ADAM23: variants seen among roughly 807,000 people sequenced by gnomAD.
ADAM23 encodes the protein ADAM metallopeptidase domain 23.
Under a neutral mutation model 120.1 loss-of-function variants are expected in ADAM23, and 33 were observed. The ratio of observed to expected loss-of-function variants is 0.27; its 90% CI spans 0.21 to 0.37. ADAM23 has a LOEUF of 0.37. Ranked by LOEUF, ADAM23 falls within the 10% of genes least tolerant of loss-of-function variation. The probability of loss-of-function intolerance (pLI) is 1.00; values close to 1 mark genes in which losing one functional copy is unlikely to be tolerated. For synonymous variants in ADAM23, 367 were observed against 375.2 expected (o/e 0.98, Z 0.25); for missense variants, 862 against 1,058.2 (o/e 0.81, Z 2.57).
intron 5 of ADAM23, among the ~76,000 whole-genome samples, chr2:206,543,023 T>G (rs1161317224): frequency 6.6e-6 from 1 of 152,238 alleles, no homozygotes; most frequent in African/African-American, 2.4e-5. Context: ...ATAATTTGCA[T>G]GCATTTGATG....
At chr2:206,590,340 C>G (rs184997341) in intron 21 of ADAM23, among the ~76,000 whole-genome samples, 1 of 152,264 alleles carries the variant, frequency 6.6e-6, no homozygotes, top group South Asian at 2.1e-4. Flanking sequence ...TCAAGTGATC[C>G]GCCCTCCTCA....
intron 3 of ADAM23, among the ~76,000 whole-genome samples, chr2:206,484,477 T>C (rs1036204589): frequency 2.6e-5 from 4 of 152,168 alleles, no homozygotes; most frequent in African/African-American, 9.7e-5. Flanking sequence ...CACTGCAGAG[T>C]GTGAATGAAG....
chr2:206,571,678 G>T, intron 16 of ADAM23, 49 bp from the exon 17 acceptor site: 1 of 1,377,814 alleles, frequency 7.3e-7, no homozygotes, highest in Non-Finnish European at 1.0e-6. Flanking sequence ...GAATATGAAT[G>T]ACCAGCAGGT....
chr2:206,520,018 A>G (rs1696811717), intron 3 of ADAM23, among the ~76,000 whole-genome samples: 1 of 152,176 alleles, frequency 6.6e-6, no homozygotes, highest in African/African-American at 2.4e-5. Flanking sequence ...CTGCCTCAAA[A>G]AAATAAAAAA....
intron 3 of ADAM23, among the ~76,000 whole-genome samples, chr2:206,528,307 C>T (rs1696982088): frequency 2.0e-5 from 3 of 152,166 alleles, no homozygotes; most frequent in African/African-American, 7.2e-5. Flanking sequence ...TAAGTTTCTG[C>T]ACCCTGTGAG....
rs1349286117 is a variant in ADAM23 at position 206,620,641 on chromosome 2, G to C, written c.*3014G>C. On this transcript the variant is annotated 3_prime_UTR_variant, in exon 26 of 26. Transcript: ENST00000264377. ...TTCCCATTTCACCTGCTCTACTTTT[G>C]CTGCATTAATTAATGACACCCGGAT... 1 of 151,964 alleles carries C rather than the reference G, an allele frequency of 6.6e-6. No homozygotes were observed. The highest frequency in any genetic ancestry group is 1.5e-5 in the Non-Finnish European group (1 of 68,004). 9.4% of individuals were successfully genotyped at this position (151,964 alleles called of 1,614,324 possible).
intron 6 of ADAM23, among the ~76,000 whole-genome samples, chr2:206,546,439 A>C (rs1269001136): frequency 6.6e-6 from 1 of 152,202 alleles, no homozygotes; most frequent in Non-Finnish European, 1.5e-5. Flanking sequence ...GTTATCTCTC[A>C]AGTAATAAAT....
intron 2 of ADAM23, among the ~76,000 whole-genome samples, chr2:206,474,390 G>A (rs1399046109): frequency 6.6e-6 from 1 of 152,158 alleles, no homozygotes; most frequent in Non-Finnish European, 1.5e-5. Context: ...ATTTTGCTGA[G>A]TGTAAATGCA....
Position 206,618,839 on chromosome 2 carries a change from C to T in ADAM23, c.*1212C>T, listed in dbSNP as rs1001790584. On this transcript the variant is annotated 3_prime_UTR_variant, in exon 26 of 26. Transcript: ENST00000264377. ...TATGTAAATAATGTAAGAAAGTAGA[C>T]ACCCTTTCAGATTAATCACAAAAGT... 2 of 152,182 alleles carry T rather than the reference C, an allele frequency of 1.3e-5. No individual in the cohort carries two copies. Among genetic ancestry groups the T allele is most frequent in the Non-Finnish European group, 2.9e-5 (2 of 68,044 alleles). The allele number at this position is 152,182 out of a possible 1,614,324, so 9.4% of individuals were successfully genotyped here. A position where few individuals can be genotyped will look rare whatever the true frequency, so the allele number is the denominator to read the frequency against.
At chr2:206,596,773 G>A (rs1698534909) in intron 24 of ADAM23, among the ~76,000 whole-genome samples, 1 of 152,122 alleles carries the variant, frequency 6.6e-6, no homozygotes, top group Non-Finnish European at 1.5e-5. Flanking sequence ...AGATGAGAAG[G>A]CCCAGACCCT....
In ADAM23 at chr2:206,466,434, T is replaced by G. The variant is rs150038570; in HGVS notation, c.433-14798T>G. Among the ~76,000 whole-genome samples the G allele has an allele frequency of 7.0e-3, 1,067 of 152,344 alleles. 16 individuals carry two copies. The highest frequency in any genetic ancestry group is 0.024 in the African/African-American group (1,004 of 41,580). ...TTTTAAAACCCGATTAGTATGTTGC[T>G]TTACAATTGACTTCTATAATTTTTT... On this transcript the variant is annotated intron_variant, in intron 2 of 25. Coordinates refer to ENST00000264377, the MANE Select transcript of ADAM23 (RefSeq NM_003812.4).
intron 3 of ADAM23, among the ~76,000 whole-genome samples, chr2:206,509,133 A>G (rs1696568152): frequency 6.6e-6 from 1 of 152,250 alleles, no homozygotes; most frequent in African/African-American, 2.4e-5. Context: ...ATAGAAGAAT[A>G]GCTGTTAAAT....
chr2:206,448,794 G>A (rs1357097910), intron 2 of ADAM23, among the ~76,000 whole-genome samples: 1 of 152,196 alleles, frequency 6.6e-6, no homozygotes, highest in African/African-American at 2.4e-5. Context: ...GGGCATTGAA[G>A]ATCCTCGCCC....
chr2:206,516,443 A>G (rs1263114016), intron 3 of ADAM23, among the ~76,000 whole-genome samples: 3 of 152,134 alleles, frequency 2.0e-5, no homozygotes, highest in Non-Finnish European at 2.9e-5. Context: ...AGCTTAAACA[A>G]CATTTATTTC....
At chr2:206,564,222 A>G (rs951445333) in intron 13 of ADAM23, among the ~76,000 whole-genome samples, 1 of 152,000 alleles carries the variant, frequency 6.6e-6, no homozygotes, top group Admixed American at 6.6e-5. Flanking sequence ...CTATCGATAT[A>G]TCGATAGAGA....
intron 9 of ADAM23, among the ~76,000 whole-genome samples, chr2:206,555,752 A>G (rs1005644718): frequency 6.6e-6 from 1 of 152,244 alleles, no homozygotes; most frequent in Non-Finnish European, 1.5e-5. Context: ...GAAGCAAACT[A>G]AAATTCATCT....
intron 3 of ADAM23, among the ~76,000 whole-genome samples, chr2:206,520,950 C>G (rs766447949): frequency 2.0e-5 from 3 of 152,008 alleles, no homozygotes; most frequent in Non-Finnish European, 4.4e-5. Flanking sequence ...CCTGAATAGG[C>G]CTCTTTGCCT....
At chr2:206,536,830 C>T (rs1388516998) in intron 4 of ADAM23, among the ~76,000 whole-genome samples, 12 of 151,862 alleles carry the variant, frequency 7.9e-5, no homozygotes, top group Non-Finnish European at 1.5e-5. Flanking sequence ...CTCAGCCTCC[C>T]GAGTAGCTGG....
chr2:206,607,744 C>A (rs1698754234), intron 24 of ADAM23, among the ~76,000 whole-genome samples: 1 of 152,132 alleles, frequency 6.6e-6, no homozygotes, highest in Non-Finnish European at 1.5e-5. Flanking sequence ...TTTTCCCCAT[C>A]AAATTCCAAG....
Sources: allele counts gnomAD v4.1 joint callset (sites outside exome capture counted in the v4.1 genomes callset), GRCh38; gene constraint gnomAD v4.1.1; transcripts MANE v1.5; gene names NCBI Gene and HGNC (gene_info 2026-07-23, HGNC 2026-07-21).